Variants in MTUS1 observed in about 807,000 individuals in gnomAD.
The protein encoded by MTUS1 is microtubule-associated tumor suppressor 1.
Under a neutral mutation model 120.8 loss-of-function variants are expected in MTUS1, and 109 were observed. The ratio of observed to expected loss-of-function variants is 0.90; its 90% CI spans 0.77 to 1.06. The LOEUF is 1.06. Ranked by LOEUF, MTUS1 falls within the 50% of genes least tolerant of loss-of-function variation. The pLI is 0.00. For missense variants in MTUS1, 2,210 were observed against 1,486.3 expected (o/e 1.49, Z -8.01); for synonymous variants, 737 against 550.5 (o/e 1.34, Z -4.74).
At chr8:17,791,982 G>A (rs2051822289) in intron 1 of MTUS1, among the ~76,000 whole-genome samples, 2 of 152,156 alleles carry the variant, frequency 1.3e-5, no homozygotes, top group South Asian at 4.1e-4. Flanking sequence ...GCCAACTGGG[G>A]AGCAAAGGTA....
At chr8:17,704,661 T>A (rs1323575412) in intron 6 of MTUS1, among the ~76,000 whole-genome samples, 1 of 152,258 alleles carries the variant, frequency 6.6e-6, no homozygotes, top group African/African-American at 2.4e-5. Flanking sequence ...ACTCTTTTAA[T>A]TACTGTGTGT....
intron 6 of MTUS1, among the ~76,000 whole-genome samples, chr8:17,691,071 T>C (rs17125131): frequency 0.019 from 2,851 of 152,338 alleles, 86 homozygotes; most frequent in African/African-American, 0.065. Flanking sequence ...TATTTACTTA[T>C]ATACAGCTTG....
chr8:17,751,489 C>G (rs978578554), intron 2 of MTUS1, among the ~76,000 whole-genome samples: 2 of 152,156 alleles, frequency 1.3e-5, no homozygotes, highest in African/African-American at 4.8e-5. Flanking sequence ...CTTTCCAGTC[C>G]TCCTTCCCAG....
chr8:17,745,390 G>GATACT (rs1392448721), intron 2 of MTUS1, among the ~76,000 whole-genome samples: 1 of 152,138 alleles, frequency 6.6e-6, no homozygotes, highest in African/African-American at 2.4e-5. Context: ...ACTTGTTTCA[G>GATACT]GTGGATTCAA....
intron 1 of MTUS1, among the ~76,000 whole-genome samples, chr8:17,775,106 T>A (rs922052140): frequency 6.7e-6 from 1 of 150,358 alleles, no homozygotes; most frequent in Non-Finnish European, 1.5e-5. Flanking sequence ...CAGGGGAACA[T>A]GGGGAGCTAT....
In MTUS1 at chr8:17,754,407, C is replaced by T. The variant is rs61740538; in HGVS notation, c.1401G>A (p.Ser467=). Residue 467 remains serine, a synonymous_variant, in exon 2 of 15, where the codon TCG becomes TCA. Transcript: ENST00000693296. ...TACACAGGTTCACAGGTGCCTCCTT[C>T]GAGTCTGGTATGTTTTTAAGCCCTC... The part of the protein sequence containing the change: ...GNRGLKNIPD[S]KEAPVNLCKP... 36,286 of 1,614,092 alleles carry T rather than the reference C, an allele frequency of 0.022. 510 individuals carry two copies. The highest frequency in any genetic ancestry group is 0.027 in the Non-Finnish European group (32,197 of 1,180,010).
At chr8:17,749,150 G>C (rs1469747579) in intron 2 of MTUS1, among the ~76,000 whole-genome samples, 1 of 152,168 alleles carries the variant, frequency 6.6e-6, no homozygotes, top group Non-Finnish European at 1.5e-5. Context: ...TTCAGGCACA[G>C]CTGACCAGCA....
rs1363739168 is a variant in MTUS1, at chr8:17,765,647, T to A, written c.-154-9686A>T. On this transcript the variant is annotated intron_variant, in intron 1 of 14. Coordinates refer to ENST00000693296, the MANE Select transcript of MTUS1 (RefSeq NM_001363059.2). ...AAAAAAAAAAAAAGACTAGCTGTCA[T>A]CTATACTTCACCATCATTAAAATAC... Among the ~76,000 whole-genome samples the A allele has an allele frequency of 1.5e-4, 21 of 142,246 alleles. 1 individual carries two copies. The highest frequency in any genetic ancestry group is 4.4e-4 in the South Asian group (2 of 4,538). 93.3% of individuals were successfully genotyped at this position (142,246 alleles called of 152,430 possible).
chr8:17,732,288 T>G (rs913880466), intron 3 of MTUS1, among the ~76,000 whole-genome samples: 15 of 152,344 alleles, frequency 9.8e-5, no homozygotes, highest in African/African-American at 3.6e-4. Context: ...CTGGTTTATG[T>G]CCACTGGTTG....
intron 1 of MTUS1, chr8:17,800,654 G>C (rs2052610186): frequency 6.6e-6 from 1 of 152,230 alleles, no homozygotes; most frequent in Admixed American, 6.5e-5. Context: ...GCTGCAGAAA[G>C]TAGCGAGGCG....
At chr8:17,797,366 T>C (rs2052327940) in intron 1 of MTUS1, among the ~76,000 whole-genome samples, 1 of 152,170 alleles carries the variant, frequency 6.6e-6, no homozygotes, top group South Asian at 2.1e-4. Context: ...TAAGCTATGA[T>C]CATGCTACTG....
chr8:17,722,659 A>G (rs1387275491), intron 4 of MTUS1: 1 of 678,346 alleles, frequency 1.5e-6, no homozygotes, highest in Admixed American at 6.3e-5. Context: ...TCTACAAAAA[A>G]TGCATTCTCA....
chr8:17,719,260 T>G (rs1822939372), intron 4 of MTUS1, among the ~76,000 whole-genome samples: 1 of 152,228 alleles, frequency 6.6e-6, no homozygotes, highest in African/African-American at 2.4e-5. Flanking sequence ...AAAATTCGCT[T>G]TTATTACATT....
intron 1 of MTUS1, among the ~76,000 whole-genome samples, chr8:17,773,678 G>A (rs1218654958): frequency 1.3e-5 from 2 of 152,132 alleles, no homozygotes; most frequent in Non-Finnish European, 2.9e-5. Flanking sequence ...CCATCATGGG[G>A]TCCACACCTG....
intron 7 of MTUS1, among the ~76,000 whole-genome samples, chr8:17,679,019 G>C (rs1368247739): frequency 6.6e-6 from 1 of 152,142 alleles, no homozygotes; most frequent in Non-Finnish European, 1.5e-5. Flanking sequence ...TCAGATTCAT[G>C]AGATATAAGA....
intron 7 of MTUS1, among the ~76,000 whole-genome samples, chr8:17,679,373 G>T (rs183830123): frequency 9.2e-4 from 139 of 150,820 alleles, no homozygotes; most frequent in African/African-American, 3.3e-3. Context: ...GTGTGTGTGT[G>T]TGTGTATAAA....
At chr8:17,682,379 A>G (rs1168273630) in intron 7 of MTUS1, among the ~76,000 whole-genome samples, 1 of 152,004 alleles carries the variant, frequency 6.6e-6, no homozygotes, top group Non-Finnish European at 1.5e-5. Flanking sequence ...CTAGTCGGGC[A>G]TGGTGGCGGG....
chr8:17,720,581 T>C (rs1338969055), intron 4 of MTUS1, among the ~76,000 whole-genome samples: 1 of 152,210 alleles, frequency 6.6e-6, no homozygotes. Context: ...AAACATGGTT[T>C]TGTGGCCAAA....
intron 6 of MTUS1, among the ~76,000 whole-genome samples, chr8:17,710,349 T>A (rs938216575): frequency 1.3e-5 from 2 of 152,212 alleles, no homozygotes; most frequent in African/African-American, 4.8e-5. Flanking sequence ...TATGGAATAT[T>A]CGGACTCCTT....
Sources: allele counts gnomAD v4.1 joint callset (sites outside exome capture counted in the v4.1 genomes callset), GRCh38; gene constraint gnomAD v4.1.1; transcripts MANE v1.5; gene names NCBI Gene and HGNC (gene_info 2026-07-23, HGNC 2026-07-21).